Variants in CD6 observed in about 807,000 individuals in gnomAD.
The protein encoded by CD6 is CD6 molecule, also known as T-cell differentiation antigen CD6.
A neutral mutation model predicts 75.3 loss-of-function variants in CD6; 53 were observed. The observed-to-expected ratio is 0.70, with a 90% CI of 0.56 to 0.88. The LOEUF is 0.88. CD6 is among the 40% of genes least tolerant of loss of function. CD6 has a pLI of 0.00. For missense variants in CD6, 770 were observed against 897.1 expected (o/e 0.86, Z 1.81); for synonymous variants, 359 against 381.5 (o/e 0.94, Z 0.69).
intron 1 of CD6, among the ~76,000 whole-genome samples, chr11:61,004,173 A>C (rs979244463): frequency 5.9e-5 from 9 of 152,172 alleles, no homozygotes; most frequent in Admixed American, 2.0e-4. Flanking sequence ...CCTGCCCCAC[A>C]CACATCACAT....
intron 3 of CD6, 195 bp from the exon 4 acceptor site, chr11:61,008,339 T>C: frequency 1.7e-6 from 1 of 585,788 alleles, no homozygotes; most frequent in Non-Finnish European, 2.9e-6. Flanking sequence ...ACCAGGTCTC[T>C]GGTCCCTCCC....
At chr11:60,993,474 A>G (rs1170639858) in intron 1 of CD6, among the ~76,000 whole-genome samples, 1 of 152,140 alleles carries the variant, frequency 6.6e-6, no homozygotes, top group Non-Finnish European at 1.5e-5. Flanking sequence ...GGAGGATAAT[A>G]ACAACCACAG....
chr11:60,979,459 G>T (rs964829355), intron 1 of CD6, among the ~76,000 whole-genome samples: 6 of 149,652 alleles, frequency 4.0e-5, no homozygotes, highest in Admixed American at 6.6e-5. Flanking sequence ...ATTTTGTTTT[G>T]TTTTCTTTTT....
intron 1 of CD6, among the ~76,000 whole-genome samples, chr11:60,996,460 G>A (rs1440639039): frequency 6.6e-6 from 1 of 152,232 alleles, no homozygotes; most frequent in East Asian, 1.9e-4. Context: ...CGGCCACTGG[G>A]CAAGGGGCAG....
intron 1 of CD6, chr11:61,004,473 C>A (rs3019540): frequency 0.92 from 140,017 of 152,296 alleles, 64,857 homozygotes; most frequent in East Asian, 1. Flanking sequence ...GGCTGGGCAG[C>A]CAGCCAGGGA....
chr11:60,978,851 G>A (rs1369077300), intron 1 of CD6, among the ~76,000 whole-genome samples: 2 of 152,214 alleles, frequency 1.3e-5, no homozygotes, highest in East Asian at 1.9e-4. Context: ...TCACCAAAGT[G>A]TACAAGTTAA....
At chr11:61,017,454 TC>T (rs746786075) in intron 9 of CD6, 24 bp from the exon 10 acceptor site, 19 of 1,537,100 alleles carry the variant, frequency 1.2e-5, no homozygotes, top group African/African-American at 2.8e-5. Context: ...CCTTCACCCC[TC>T]CCCACCACCG....
intron 1 of CD6, among the ~76,000 whole-genome samples, chr11:61,002,479 C>T (rs1362263090): frequency 6.6e-6 from 1 of 152,088 alleles, no homozygotes; most frequent in Non-Finnish European, 1.5e-5. Flanking sequence ...ATTGCTTGAA[C>T]CCAGGAGGTG....
chr11:60,987,665 A>G (rs1857878401), intron 1 of CD6, among the ~76,000 whole-genome samples: 1 of 151,940 alleles, frequency 6.6e-6, no homozygotes, highest in Non-Finnish European at 1.5e-5. Context: ...TCCTCTGGAG[A>G]GATGCAAGTT....
intron 1 of CD6, among the ~76,000 whole-genome samples, chr11:60,995,638 G>A (rs1858260157): frequency 6.6e-6 from 1 of 152,048 alleles, no homozygotes. Flanking sequence ...GCATCCTCAG[G>A]CCCTAGACAG....
chr11:60,990,494 G>A (rs894617706), intron 1 of CD6, among the ~76,000 whole-genome samples: 2 of 152,110 alleles, frequency 1.3e-5, no homozygotes, highest in African/African-American at 4.8e-5. Context: ...AAAGTGCTGG[G>A]ATTACAGGCG....
chr11:60,971,903 C>T lies in CD6; in HGVS notation c.38C>T (p.Ala13Val). ...LFFGITGLLT[A>V]ALSGHPSPAP... ...TTCGGGATCACTGGATTGCTGACGGCAGCCCTCTCAGGTAGGCCCCCTTCC... is the reference window on the plus strand; with the variant it reads ...TTCGGGATCACTGGATTGCTGACGGTAGCCCTCTCAGGTAGGCCCCCTTCC... The change falls in exon 1 of 13, where the codon GCA (alanine) becomes GTA (valine). Residue 13 changes from alanine (A) to valine (V), a missense_variant. Ala to Val is a moderately conservative substitution (Grantham distance 64, BLOSUM62 0). Coordinates refer to ENST00000313421, the MANE Select transcript of CD6 (RefSeq NM_006725.5). 1 of 1,613,988 alleles carries T rather than the reference C, an allele frequency of 6.2e-7. No homozygotes were observed. The highest frequency in any genetic ancestry group is 1.1e-5 in the South Asian group (1 of 91,056).
At chr11:60,978,164 T>C (rs1261024853) in intron 1 of CD6, among the ~76,000 whole-genome samples, 1 of 152,226 alleles carries the variant, frequency 6.6e-6, no homozygotes, top group Non-Finnish European at 1.5e-5. Flanking sequence ...CAATTTTGCA[T>C]AGTTTTGTGT....
At position 61,017,825 on chromosome 11, in the gene CD6, C is replaced by T. The variant is rs1315308108; in HGVS notation, c.1649C>T (p.Pro550Leu). The stretch of plus-strand genomic sequence containing the variant: ...CCTGGACACTGCATTACAGACCCGC[C>T]ATCCCTGGGCCCTCAGTATCACCCG... The part of the protein sequence containing the change: ...ANPGHCITDP[P>L]SLGPQYHPRS... The change falls in exon 11 of 13, where the codon CCA becomes CTA. Residue 550 changes from proline (P) to leucine (L), a missense_variant. Physicochemically the swap from Pro to Leu is moderately conservative, Grantham distance 98. Coordinates refer to ENST00000313421, the MANE Select transcript of CD6 (RefSeq NM_006725.5). 1.9e-6 allele frequency: 3 copies of T among 1,614,188 alleles called. No homozygotes were observed. The South Asian group carries it at 3.3e-5, about 18-fold the overall frequency.
intron 4 of CD6, among the ~76,000 whole-genome samples, chr11:61,009,369 T>G (rs1296576333): frequency 6.6e-6 from 1 of 152,230 alleles, no homozygotes; most frequent in Non-Finnish European, 1.5e-5. Flanking sequence ...CCGATGCTGC[T>G]GCTCCACAGA....
chr11:60,976,703 G>A (rs1395209780), intron 1 of CD6, among the ~76,000 whole-genome samples: 1 of 152,116 alleles, frequency 6.6e-6, no homozygotes, highest in East Asian at 1.9e-4. Context: ...CATAAGATAT[G>A]GTTCCCCTGT....
chr11:61,020,358 A>G lies in CD6; in HGVS notation c.*1040A>G. Reference sequence around the variant, plus strand: ...TCCTGCTCTGAGTATCCTGAGATTAAACTGAATTGCTGAATGAAACCAGGG... The same window carrying G: ...TCCTGCTCTGAGTATCCTGAGATTAGACTGAATTGCTGAATGAAACCAGGG... On this transcript the variant is annotated 3_prime_UTR_variant, in exon 13 of 13. Coordinates refer to ENST00000313421, the MANE Select transcript of CD6 (RefSeq NM_006725.5). 2.5e-6 allele frequency: 1 copy of G among 398,910 alleles called. No individual in the cohort carries two copies. Among genetic ancestry groups the G allele is most frequent in the Non-Finnish European group, 4.4e-6 (1 of 226,064 alleles). The allele number at this position is 398,910 out of a possible 1,614,324, so 24.7% of individuals were successfully genotyped here. A position where few individuals can be genotyped will look rare whatever the true frequency, so the allele number is the denominator to read the frequency against.
At chr11:60,995,666 T>C (rs1858262315) in intron 1 of CD6, among the ~76,000 whole-genome samples, 1 of 151,942 alleles carries the variant, frequency 6.6e-6, no homozygotes, top group Non-Finnish European at 1.5e-5. Context: ...GTGAGCCCCA[T>C]ATTTGAGAGC....
intron 1 of CD6, among the ~76,000 whole-genome samples, chr11:60,974,844 A>C (rs1211033962): frequency 2.0e-5 from 3 of 152,028 alleles, no homozygotes; most frequent in Non-Finnish European, 2.9e-5. Context: ...ATGTTTTCTC[A>C]TCAGTGGAAG....
Sources: allele counts gnomAD v4.1 joint callset (sites outside exome capture counted in the v4.1 genomes callset), GRCh38; gene constraint gnomAD v4.1.1; transcripts MANE v1.5; gene names NCBI Gene and HGNC (gene_info 2026-07-23, HGNC 2026-07-21).